The following TLE7 variants were observed in gnomAD, a reference collection of about 807,000 sequenced individuals.
TLE7 encodes TLE family member 7.
Position 71,431,635 on chromosome 16 carries a change from C to T in TLE7, c.852-73G>A, listed in dbSNP as rs1325862628. ...CCCGGGAAGTTTCAGGGTCAGGAAGCCCCTAGGAGTACCCCAGATATATCT... is the reference window on the plus strand; with the variant it reads ...CCCGGGAAGTTTCAGGGTCAGGAAGTCCCTAGGAGTACCCCAGATATATCT... On this transcript the variant is annotated intron_variant, in intron 6 of 9. Coordinates refer to ENST00000561754, the MANE Select transcript of TLE7 (RefSeq NM_001367365.2). This position sits in a 1 kb window ranked among gnomAD's most constrained non-coding sequence, Gnocchi z 4.5. 7.5e-6 allele frequency: 3 copies of T among 400,246 alleles called. No individual in the cohort carries two copies. Among genetic ancestry groups the T allele is most frequent in the Non-Finnish European group, 8.8e-6 (2 of 226,218 alleles). The allele number at this position is 400,246 out of a possible 1,614,324, so 24.8% of individuals were successfully genotyped here.
At position 71,431,193 on chromosome 16, in the gene TLE7, G is replaced by T. The variant is rs1251107394; in HGVS notation, c.1075C>A (p.Arg359Ser). ...RTSDIVFLHT[R>S]RNEQFKALMK... The stretch of plus-strand genomic sequence containing the variant: ...AGAGCCTTAAACTGCTCATTCCGAC[G>T]AGTGTGAAGGAACACGATATCACTC... The change falls in exon 8 of 10, where the codon CGT becomes AGT. Residue 359 changes from arginine to serine, a missense_variant. Arg to Ser is a moderately radical substitution (Grantham distance 110, BLOSUM62 -1). Transcript: ENST00000561754. The surrounding 1 kb of genome is among the most constrained non-coding windows in gnomAD (Gnocchi z 4.5). 18 of 400,558 alleles carry T rather than the reference G, an allele frequency of 4.5e-5. No individual in the cohort carries two copies. The highest frequency in any genetic ancestry group is 3.1e-4 in the Middle Eastern group (1 of 3,186). The allele number at this position is 400,558 out of a possible 1,614,324, so 24.8% of individuals were successfully genotyped here.
chr16:71,432,363 T>G, intron 4 of TLE7, 38 bp from the exon 5 acceptor site: 1 of 399,612 alleles, frequency 2.5e-6, no homozygotes, highest in Non-Finnish European at 4.4e-6. Flanking sequence ...GGCCCTGACC[T>G]GCTATCATTA....
intron 9 of TLE7, 73 bp downstream of exon 9, chr16:71,430,595 G>A (rs2042797835): frequency 2.5e-6 from 1 of 397,922 alleles, no homozygotes; most frequent in Non-Finnish European, 4.4e-6. Flanking sequence ...ACACCCACTG[G>A]AATCCAACCA....
intron 1 of TLE7, among the ~76,000 whole-genome samples, chr16:71,437,014 G>A (rs1715131951): frequency 6.6e-6 from 1 of 151,944 alleles, no homozygotes; most frequent in Non-Finnish European, 1.5e-5. Context: ...TTGAAGTCAG[G>A]ACCAGCCTGT....
Position 71,431,117 on chromosome 16 carries a change from T to C in TLE7, c.1147+4A>G, listed in dbSNP as rs1023329398. The C allele has an allele frequency of 1.0e-5, 4 of 400,628 alleles. No individual in the cohort carries two copies. The highest frequency in any genetic ancestry group is 1.8e-5 in the Non-Finnish European group (4 of 226,242). 24.8% of individuals were successfully genotyped at this position (400,628 alleles called of 1,614,324 possible). A position where few individuals can be genotyped will look rare whatever the true frequency, so the allele number is the denominator to read the frequency against. ...CCAGAGGTGTCACCTGGCTTCTCAC[T>C]CACCACAGGAGGCAAACTTGAGGCT... On this transcript the variant is annotated splice_donor_region_variant and intron_variant, in intron 8 of 9. Transcript: ENST00000561754. This position sits in a 1 kb window ranked among gnomAD's most constrained non-coding sequence, Gnocchi z 4.5.
At position 71,430,079 on chromosome 16, in the gene TLE7, C is replaced by G. The variant is rs1319912292; in HGVS notation, c.*183G>C. On this transcript the variant is annotated 3_prime_UTR_variant, in exon 10 of 10. Coordinates refer to ENST00000561754, the MANE Select transcript of TLE7 (RefSeq NM_001367365.2). ...TAGGAAGATAACAAAGGAAAAAGCTCCAAGCCATCTGATTAAAATCTGGGA... is the reference window on the plus strand; with the variant it reads ...TAGGAAGATAACAAAGGAAAAAGCTGCAAGCCATCTGATTAAAATCTGGGA... Among the ~76,000 whole-genome samples, 1 of 152,164 alleles carries G rather than the reference C, an allele frequency of 6.6e-6. No homozygotes were observed. Among genetic ancestry groups the G allele is most frequent in the Non-Finnish European group, 1.5e-5 (1 of 68,030 alleles).
rs2042802916 is a variant in TLE7, at chr16:71,431,376, G to A, written c.993+45C>T. The stretch of plus-strand genomic sequence containing the variant: ...ACTCCCACCCCTGCCTCCATGCATG[G>A]CTCCACTACAGGTGGCATTCTGCCA... On this transcript the variant is annotated intron_variant, in intron 7 of 9. Coordinates refer to ENST00000561754, the MANE Select transcript of TLE7 (RefSeq NM_001367365.2). The surrounding 1 kb of genome is among the most constrained non-coding windows in gnomAD (Gnocchi z 4.5). 1 of 399,986 alleles carries A rather than the reference G, an allele frequency of 2.5e-6. No individual in the cohort carries two copies. The highest frequency in any genetic ancestry group is 1.3e-4 in the South Asian group (1 of 7,902). 24.8% of individuals were successfully genotyped at this position (399,986 alleles called of 1,614,324 possible). A position where few individuals can be genotyped will look rare whatever the true frequency, so the allele number is the denominator to read the frequency against.
Position 71,434,133 on chromosome 16 carries a change from G to A in TLE7, c.-96-713C>T, listed in dbSNP as rs369917175. On this transcript the variant is annotated intron_variant, in intron 1 of 9. Transcript: ENST00000561754. ...AGAATATAAGGTGTCCTACTTGGAC[G>A]GGGCAAGGCTATCTAATGATGAAGT... 4.6e-5 allele frequency among the ~76,000 whole-genome samples: 7 copies of A among 152,302 alleles called. No individual in the cohort carries two copies. The East Asian group carries it at 1.2e-3, about 25-fold the overall frequency.
chr16:71,431,368 C>T lies in TLE7; in HGVS notation c.993+53G>A, dbSNP rs1301273813. ...AAGCTCACACTCCCACCCCTGCCTC[C>T]ATGCATGGCTCCACTACAGGTGGCA... On this transcript the variant is annotated intron_variant, in intron 7 of 9. Transcript: ENST00000561754. The surrounding 1 kb of genome is among the most constrained non-coding windows in gnomAD (Gnocchi z 4.5). The T allele has an allele frequency of 5.0e-6, 2 of 399,748 alleles. No homozygotes were observed. The highest frequency in any genetic ancestry group is 8.8e-6 in the Non-Finnish European group (2 of 226,294). 24.8% of individuals were successfully genotyped at this position (399,748 alleles called of 1,614,324 possible). A position where few individuals can be genotyped will look rare whatever the true frequency, so the allele number is the denominator to read the frequency against.
At chr16:71,440,904 G>A (rs2042844671) in intron 1 of TLE7, among the ~76,000 whole-genome samples, 1 of 152,116 alleles carries the variant, frequency 6.6e-6, no homozygotes, top group African/African-American at 2.4e-5. Context: ...TCACTGTCAC[G>A]GGGAGCCCCA....
At chr16:71,439,547 T>G (rs1350264529) in intron 1 of TLE7, among the ~76,000 whole-genome samples, 2 of 151,598 alleles carry the variant, frequency 1.3e-5, no homozygotes, top group Non-Finnish European at 2.9e-5. Flanking sequence ...GGACTGTAGC[T>G]GTTCTTCTAG....
chr16:71,433,118 C>G lies in TLE7; in HGVS notation c.207G>C (p.Thr69=), dbSNP rs1002012788. Residue 69 remains threonine, a synonymous_variant, in exon 2 of 10, where the codon ACG becomes ACC. Transcript: ENST00000561754. The part of the protein sequence containing the change: ...QHSPADQETS[T]VTQQQWHLQG... Reference sequence around the variant, plus strand: ...GGAGGTGCCACTGCTGCTGGGTCACCGTGCTTGTCTCTTGATCAGCAGGGC... The same window carrying G: ...GGAGGTGCCACTGCTGCTGGGTCACGGTGCTTGTCTCTTGATCAGCAGGGC... The G allele has an allele frequency of 5.0e-6, 2 of 398,640 alleles. No individual in the cohort carries two copies. The highest frequency in any genetic ancestry group is 4.1e-5 in the African/African-American group (2 of 48,632). 24.7% of individuals were successfully genotyped at this position (398,640 alleles called of 1,614,324 possible).
At chr16:71,438,248 C>T (rs565364732) in intron 1 of TLE7, among the ~76,000 whole-genome samples, 3 of 152,022 alleles carry the variant, frequency 2.0e-5, no homozygotes, top group East Asian at 3.9e-4. Context: ...GCCTGGCCAA[C>T]GTGGTGAAAC....
chr16:71,440,553 T>C (rs1460822830), intron 1 of TLE7, among the ~76,000 whole-genome samples: 3 of 152,164 alleles, frequency 2.0e-5, no homozygotes, highest in Non-Finnish European at 4.4e-5. Context: ...AAACCAGACA[T>C]GGGGTCATGA....
rs1415051551 is a variant in TLE7, at chr16:71,432,305, A to T, written c.414T>A (p.Val138=). 2 of 400,670 alleles carry T rather than the reference A, an allele frequency of 5.0e-6. No homozygotes were observed. Among genetic ancestry groups the T allele is most frequent in the African/African-American group, 4.1e-5 (2 of 48,672 alleles). 24.8% of individuals were successfully genotyped at this position (400,670 alleles called of 1,614,324 possible). A position where few individuals can be genotyped will look rare whatever the true frequency, so the allele number is the denominator to read the frequency against. Reference sequence around the variant, plus strand: ...GTGGGGCCCTCTTCTGCCTGACCACAACTTCATCTGGAATGGGGGGCTAGG... The same window carrying T: ...GTGGGGCCCTCTTCTGCCTGACCACTACTTCATCTGGAATGGGGGGCTAGG... ...LRAIPPIPDE[V]VVRQKRAPQG... is the part of the protein sequence containing the mutation. The change falls in exon 5 of 10, where the codon GTT becomes GTA. Residue 138 remains valine (V), a synonymous_variant. Coordinates refer to ENST00000561754, the MANE Select transcript of TLE7 (RefSeq NM_001367365.2).
Position 71,431,900 on chromosome 16 carries a change from T to G in TLE7, c.712A>C (p.Thr238Pro), listed in dbSNP as rs2042805724. Residue 238 changes from threonine (T) to proline (P), a missense_variant, in exon 6 of 10, where the codon ACC (threonine) becomes CCC (proline). Thr to Pro is a conservative substitution (Grantham distance 38). Transcript: ENST00000561754. The surrounding 1 kb of genome is among the most constrained non-coding windows in gnomAD (Gnocchi z 4.5). ...QAVTLWDLAP[T>P]PQVRAQLTST... ...GTCAGCTGTGCCCTGACCTGGGGGGTGGGTGCCAAGTCCCAGAGAGTCACG... is the reference window on the plus strand; with the variant it reads ...GTCAGCTGTGCCCTGACCTGGGGGGGGGGTGCCAAGTCCCAGAGAGTCACG... 1 of 399,828 alleles carries G rather than the reference T, an allele frequency of 2.5e-6. No homozygotes were observed. The highest frequency in any genetic ancestry group is 4.4e-5 in the Admixed American group (1 of 22,634). 24.8% of individuals were successfully genotyped at this position (399,828 alleles called of 1,614,324 possible). A position where few individuals can be genotyped will look rare whatever the true frequency, so the allele number is the denominator to read the frequency against.
At position 71,431,047 on chromosome 16, in the gene TLE7, G is replaced by T. The variant is rs1185982478; in HGVS notation, c.1147+74C>A. ...GAGGGAGCCAGAAAAGGAAAGGGGG[G>T]TGAACAGAGAAAGAAGAGACGACAG... On this transcript the variant is annotated intron_variant, in intron 8 of 9. Coordinates refer to ENST00000561754, the MANE Select transcript of TLE7 (RefSeq NM_001367365.2). This position sits in a 1 kb window ranked among gnomAD's most constrained non-coding sequence, Gnocchi z 4.5. The T allele has an allele frequency of 1.0e-5, 4 of 400,308 alleles. No homozygotes were observed. The highest frequency in any genetic ancestry group is 2.1e-5 in the African/African-American group (1 of 48,682). 24.8% of individuals were successfully genotyped at this position (400,308 alleles called of 1,614,324 possible).
Position 71,431,017 on chromosome 16 carries a change from T to G in TLE7, c.1147+104A>C, listed in dbSNP as rs759500292. Reference sequence around the variant, plus strand: ...CTGTCATTCTGTGCAGGATCTCCCATTACGGAGGGAGCCAGAAAAGGAAAG... The same window carrying G: ...CTGTCATTCTGTGCAGGATCTCCCAGTACGGAGGGAGCCAGAAAAGGAAAG... On this transcript the variant is annotated intron_variant, in intron 8 of 9. Transcript: ENST00000561754. This position sits in a 1 kb window ranked among gnomAD's most constrained non-coding sequence, Gnocchi z 4.5. 9 of 399,462 alleles carry G rather than the reference T, an allele frequency of 2.3e-5. No individual in the cohort carries two copies. The highest frequency in any genetic ancestry group is 4.0e-5 in the Non-Finnish European group (9 of 226,130). The allele number at this position is 399,462 out of a possible 1,614,324, so 24.7% of individuals were successfully genotyped here. A position where few individuals can be genotyped will look rare whatever the true frequency, so the allele number is the denominator to read the frequency against.
Position 71,431,259 on chromosome 16 carries a change from G to T in TLE7, c.1009C>A (p.His337Asn). The stretch of plus-strand genomic sequence containing the variant: ...AATACCCATTCTTCACCGGGGTCGT[G>T]GGTAATGCTGAGGATCTGTTCGTGG... ...NLQNEILSITHDPGEEWVLAG... is the reference protein window; with the variant it reads ...NLQNEILSITNDPGEEWVLAG... Residue 337 changes from histidine (H) to asparagine (N), a missense_variant, in exon 8 of 10, where the codon CAC becomes AAC. By Grantham distance (68) the His-to-Asn change is moderately conservative (BLOSUM62 1). Transcript: ENST00000561754. The surrounding 1 kb of genome is among the most constrained non-coding windows in gnomAD (Gnocchi z 4.5). The T allele has an allele frequency of 2.5e-6, 1 of 400,020 alleles. No homozygotes were observed. Among genetic ancestry groups the T allele is most frequent in the Non-Finnish European group, 4.4e-6 (1 of 226,248 alleles). 24.8% of individuals were successfully genotyped at this position (400,020 alleles called of 1,614,324 possible).
Sources: allele counts gnomAD v4.1 joint callset (sites outside exome capture counted in the v4.1 genomes callset), GRCh38; gene constraint gnomAD v4.1.1; non-coding constraint Gnocchi (gnomAD v3.1); transcripts MANE v1.5; gene names NCBI Gene and HGNC (gene_info 2026-07-23, HGNC 2026-07-21).